Variants in XKR6 observed in about 807,000 individuals in gnomAD.
XKR6 encodes XK-related protein 6.
A neutral mutation model predicts 56.7 loss-of-function variants in XKR6; 22 were observed. The ratio of observed to expected loss-of-function variants is 0.39; its 90% CI spans 0.28 to 0.55. XKR6 has a LOEUF of 0.55. Ranked by LOEUF, XKR6 falls within the 20% of genes least tolerant of loss-of-function variation. The pLI is 0.66. For synonymous variants in XKR6, 524 were observed against 387.8 expected, an observed-to-expected ratio of 1.35 and a Z score of -4.13; for missense variants, 852 against 889.0, an observed-to-expected ratio of 0.96 and a Z score of 0.53.
chr8:11,032,940 CGAT>C, intron 1 of XKR6, among the ~76,000 whole-genome samples: 1 of 152,052 alleles, frequency 6.6e-6, no homozygotes, highest in South Asian at 2.1e-4. Flanking sequence ...AAGATGACAA[CGAT>C]GATGATGGTA....
At chr8:11,190,517 G>C (rs560918242) in intron 1 of XKR6, among the ~76,000 whole-genome samples, 4 of 152,298 alleles carry the variant, frequency 2.6e-5, no homozygotes, top group Admixed American at 2.6e-4. Context: ...TGTGTCCTAA[G>C]ACACAGACCC....
intron 1 of XKR6, among the ~76,000 whole-genome samples, chr8:10,976,068 T>C (rs1411720287): frequency 2.6e-5 from 4 of 151,628 alleles, no homozygotes; most frequent in African/African-American, 4.8e-5. Flanking sequence ...CCCAGCTACT[T>C]GGGAGGCTGA....
chr8:10,997,647 T>C (rs1798144688), intron 1 of XKR6, among the ~76,000 whole-genome samples: 1 of 151,958 alleles, frequency 6.6e-6, no homozygotes, highest in Non-Finnish European at 1.5e-5. Context: ...GCAGGAGGCG[T>C]GTGGAAATGC....
chr8:10,964,653 C>T (rs1226490301), intron 1 of XKR6, among the ~76,000 whole-genome samples: 2 of 152,186 alleles, frequency 1.3e-5, no homozygotes, highest in Non-Finnish European at 2.9e-5. Context: ...TGCCTGTCCC[C>T]GCCGTTCCTG....
At chr8:11,158,475 G>T (rs1000364555) in intron 1 of XKR6, among the ~76,000 whole-genome samples, 3 of 152,186 alleles carry the variant, frequency 2.0e-5, no homozygotes, top group African/African-American at 7.2e-5. Flanking sequence ...TTTTCACTCT[G>T]CTTCAGGAGC....
intron 1 of XKR6, among the ~76,000 whole-genome samples, chr8:11,014,823 G>A (rs1274087492): frequency 6.6e-6 from 1 of 152,004 alleles, no homozygotes; most frequent in Non-Finnish European, 1.5e-5. Context: ...ACCTGCACGC[G>A]TACCCCCTGA....
At chr8:11,051,992 C>T (rs960073500) in intron 1 of XKR6, among the ~76,000 whole-genome samples, 1 of 152,210 alleles carries the variant, frequency 6.6e-6, no homozygotes, top group Non-Finnish European at 1.5e-5. Flanking sequence ...TTTGCTGCAC[C>T]TGTTGATTCG....
chr8:11,013,939 A>C (rs192098324), intron 1 of XKR6, among the ~76,000 whole-genome samples: 1 of 152,226 alleles, frequency 6.6e-6, no homozygotes, highest in South Asian at 2.1e-4. Flanking sequence ...CCAGGCCCGC[A>C]GGACAGACCC....
At chr8:11,007,845 C>T (rs539060157) in intron 1 of XKR6, among the ~76,000 whole-genome samples, 23 of 151,958 alleles carry the variant, frequency 1.5e-4, no homozygotes, top group African/African-American at 4.8e-4. Flanking sequence ...CTTTTCCTAG[C>T]GGTAGGAGAG....
At position 11,201,042 on chromosome 8, in the gene XKR6, C is replaced by T; in HGVS notation, c.298G>A (p.Ala100Thr). 2 of 1,207,114 alleles carry T rather than the reference C, an allele frequency of 1.7e-6. No individual in the cohort carries two copies. Among genetic ancestry groups the T allele is most frequent in the Non-Finnish European group, 2.0e-6 (2 of 976,178 alleles). 74.8% of individuals were successfully genotyped at this position (1,207,114 alleles called of 1,614,324 possible). Residue 100 changes from alanine to threonine, a missense_variant, in exon 1 of 3, where the codon GCC becomes ACC. Physicochemically the swap from Ala to Thr is moderately conservative, Grantham distance 58. This residue lies in a region of XKR6 where 417 missense variants were observed against 355.2 expected (regional missense o/e 1.17). Transcript: ENST00000416569. Reference sequence around the variant, plus strand: ...GGGGGTTGGCGGCCGGCGCCGGGGGCCGCGGGAGGCTGCAGCGGCTGGTCC... The same window carrying T: ...GGGGGTTGGCGGCCGGCGCCGGGGGTCGCGGGAGGCTGCAGCGGCTGGTCC... ...GGDQPLQPPAAPGAGRQPPTP... is the reference protein window; with the variant it reads ...GGDQPLQPPATPGAGRQPPTP...
intron 1 of XKR6, among the ~76,000 whole-genome samples, chr8:11,034,944 G>T (rs532617871): frequency 9.8e-5 from 15 of 152,360 alleles, no homozygotes; most frequent in Admixed American, 7.8e-4. Context: ...ACCCTGAGAG[G>T]CCACATATGG....
intron 1 of XKR6, among the ~76,000 whole-genome samples, chr8:10,948,846 C>T (rs2129126269): frequency 6.6e-6 from 1 of 152,336 alleles, no homozygotes. Flanking sequence ...GGGAAACAGG[C>T]TCAAAATAGA....
rs763466113 is a variant in XKR6, at chr8:11,200,931, G to A, written c.409C>T (p.Leu137=). The A allele has an allele frequency of 6.2e-7, 1 of 1,606,088 alleles. No individual in the cohort carries two copies. The highest frequency in any genetic ancestry group is 1.1e-5 in the South Asian group (1 of 90,844). ...GTGCCCACGTCCCCGAAGAACACCAGCAGCGCCAGCACGATCCACAGGCAG... is the reference window on the plus strand; with the variant it reads ...GTGCCCACGTCCCCGAAGAACACCAACAGCGCCAGCACGATCCACAGGCAG... The part of the protein sequence containing the change: ...LDCLWIVLAL[L]VFFGDVGTDL... The change falls in exon 1 of 3, where the codon CTG becomes TTG. Residue 137 remains leucine (L), a synonymous_variant. Transcript: ENST00000416569. This position sits in a 1 kb window ranked among gnomAD's most constrained non-coding sequence, Gnocchi z 6.4.
chr8:10,942,526 G>T (rs1037433488), intron 1 of XKR6, among the ~76,000 whole-genome samples: 3 of 152,194 alleles, frequency 2.0e-5, no homozygotes, highest in African/African-American at 7.2e-5. Context: ...CCTCCACAGG[G>T]AGGCAGAGAG....
In XKR6 at chr8:11,198,087, G is replaced by C. The variant is rs11996336; in HGVS notation, c.764+2489C>G. Among the ~76,000 whole-genome samples, 1,200 of 152,208 alleles carry C rather than the reference G, an allele frequency of 7.9e-3. 15 individuals carry two copies. The highest frequency in any genetic ancestry group is 0.028 in the African/African-American group (1,147 of 41,536). ...AGTTTCCACAGCAAATATGTTTAAGGCAACAACTATAACCCCAAAAGATCT... is the reference window on the plus strand; with the variant it reads ...AGTTTCCACAGCAAATATGTTTAAGCCAACAACTATAACCCCAAAAGATCT... On this transcript the variant is annotated intron_variant, in intron 1 of 2. Transcript: ENST00000416569.
chr8:11,090,838 T>G (rs1048184871), intron 1 of XKR6, among the ~76,000 whole-genome samples: 1 of 152,222 alleles, frequency 6.6e-6, no homozygotes, highest in East Asian at 1.9e-4. Flanking sequence ...GCTTATCTTT[T>G]AAGATTGTTT....
At chr8:11,187,493 G>T (rs770800921) in intron 1 of XKR6, among the ~76,000 whole-genome samples, 38 of 152,122 alleles carry the variant, frequency 2.5e-4, no homozygotes, top group Non-Finnish European at 4.4e-4. Flanking sequence ...TGGCAAAATG[G>T]GAATGACAAC....
At chr8:11,190,012 A>G (rs1023061142) in intron 1 of XKR6, among the ~76,000 whole-genome samples, 9 of 152,082 alleles carry the variant, frequency 5.9e-5, no homozygotes, top group Admixed American at 3.3e-4. Context: ...CAAAAATTAG[A>G]CGGGTATGGT....
chr8:11,173,429 A>T (rs1048826079), intron 1 of XKR6, among the ~76,000 whole-genome samples: 5 of 151,454 alleles, frequency 3.3e-5, no homozygotes, highest in African/African-American at 9.7e-5. Context: ...ATATATATAT[A>T]ACAGCTCCCA....
Sources: allele counts gnomAD v4.1 joint callset (sites outside exome capture counted in the v4.1 genomes callset), GRCh38; gene constraint gnomAD v4.1.1; regional missense constraint gnomAD v4.1.1; non-coding constraint Gnocchi (gnomAD v3.1); transcripts MANE v1.5; gene names NCBI Gene and HGNC (gene_info 2026-07-23, HGNC 2026-07-21).